The following LIN7A variants were observed in gnomAD, a reference collection of about 807,000 sequenced individuals.
LIN7A encodes the protein protein lin-7 homolog A.
In LIN7A, 25 loss-of-function variants were observed where a neutral mutation model predicts 29.8. The observed-to-expected ratio is 0.84, with a 90% CI of 0.61 to 1.17. LIN7A has a LOEUF of 1.17. LIN7A is among the 50% of genes most tolerant of loss of function. The pLI is 0.00. For synonymous variants in LIN7A, 118 were observed against 107.5 expected (o/e 1.10, Z -0.60); for missense variants, 239 against 287.0 (o/e 0.83, Z 1.21).
At chr12:80,885,579 G>C (rs1027454968) in intron 2 of LIN7A, among the ~76,000 whole-genome samples, 1 of 152,056 alleles carries the variant, frequency 6.6e-6, no homozygotes, top group Admixed American at 6.6e-5. Flanking sequence ...ACCACTATCT[G>C]TATTCTGTGA....
intron 2 of LIN7A, among the ~76,000 whole-genome samples, chr12:80,886,032 T>G (rs1277614701): frequency 6.6e-6 from 1 of 152,122 alleles, no homozygotes; most frequent in Admixed American, 6.5e-5. Context: ...GTTTTTGTTC[T>G]GGTGAGTGCA....
chr12:80,927,028 T>G (rs2120922152), intron 1 of LIN7A, among the ~76,000 whole-genome samples: 1 of 151,904 alleles, frequency 6.6e-6, no homozygotes, highest in East Asian at 1.9e-4. Flanking sequence ...CTAAAAGTTG[T>G]TTTTTAATCA....
chr12:80,888,338 G>C (rs576590920), intron 2 of LIN7A, among the ~76,000 whole-genome samples: 228 of 152,210 alleles, frequency 1.5e-3, no homozygotes, highest in Non-Finnish European at 2.9e-3. Context: ...CCTGCCTAGC[G>C]ACTAAACTAG....
chr12:80,883,578 A>G (rs1360525681), intron 2 of LIN7A, among the ~76,000 whole-genome samples: 1 of 152,154 alleles, frequency 6.6e-6, no homozygotes, highest in African/African-American at 2.4e-5. Context: ...TCAAAACACC[A>G]TACTTAGGGA....
chr12:80,824,296 C>A (rs1486297404), intron 4 of LIN7A, among the ~76,000 whole-genome samples: 1 of 152,024 alleles, frequency 6.6e-6, no homozygotes, highest in Admixed American at 6.5e-5. Context: ...AAATGTACAA[C>A]TTTCCTAGAT....
intron 2 of LIN7A, among the ~76,000 whole-genome samples, chr12:80,853,065 C>T (rs969574537): frequency 2.0e-5 from 3 of 152,110 alleles, no homozygotes; most frequent in Non-Finnish European, 4.4e-5. Flanking sequence ...TAAGTGCATG[C>T]AAAACACCTG....
intron 4 of LIN7A, among the ~76,000 whole-genome samples, chr12:80,825,084 AAT>A (rs1871997250): frequency 6.6e-6 from 1 of 152,194 alleles, no homozygotes. Context: ...ATTTGCTGAT[AAT>A]ATGATTGTAT....
intron 4 of LIN7A, among the ~76,000 whole-genome samples, chr12:80,817,840 G>C (rs544012680): frequency 1.3e-5 from 2 of 151,996 alleles, no homozygotes; most frequent in Non-Finnish European, 2.9e-5. Context: ...TTCAACAACC[G>C]TATGCTAATT....
At chr12:80,895,651 A>C (rs1022244058) in intron 1 of LIN7A, among the ~76,000 whole-genome samples, 5 of 152,240 alleles carry the variant, frequency 3.3e-5, no homozygotes, top group South Asian at 2.1e-4. Context: ...AAGTTGTTTT[A>C]AGTGTAAAGT....
At chr12:80,905,189 GA>G (rs1876410248) in intron 1 of LIN7A, among the ~76,000 whole-genome samples, 2 of 29,930 alleles carry the variant, frequency 6.7e-5, no homozygotes, top group African/African-American at 9.1e-5. Context: ...AATTTCCAAG[GA>G]TTTTTTTTTT....
chr12:80,866,614 C>T (rs966891064), intron 2 of LIN7A, among the ~76,000 whole-genome samples: 1 of 152,192 alleles, frequency 6.6e-6, no homozygotes. Context: ...CCCACCCCAA[C>T]ATTCTGATCA....
At chr12:80,910,354 AT>A (rs1876691500) in intron 1 of LIN7A, among the ~76,000 whole-genome samples, 1 of 152,090 alleles carries the variant, frequency 6.6e-6, no homozygotes, top group Non-Finnish European at 1.5e-5. Flanking sequence ...TTCCATTCAA[AT>A]CTATATTACG....
At chr12:80,902,102 T>C (rs867598510) in intron 1 of LIN7A, among the ~76,000 whole-genome samples, 2 of 152,150 alleles carry the variant, frequency 1.3e-5, no homozygotes, top group Admixed American at 6.5e-5. Context: ...GGACCATTTA[T>C]TGAAGAGAGT....
Position 80,827,531 on chromosome 12 carries a change from T to C in LIN7A, c.484-15848A>G, listed in dbSNP as rs116013642. Among the ~76,000 whole-genome samples the C allele has an allele frequency of 8.6e-3, 1,309 of 152,280 alleles. 16 individuals carry two copies. The highest frequency in any genetic ancestry group is 0.03 in the African/African-American group (1,236 of 41,544). ...TTACCCCATACATATTTTTCAATTT[T>C]CTAGAAATGAAAATGAAAACATCCT... On this transcript the variant is annotated intron_variant, in intron 4 of 5. Coordinates refer to ENST00000552864, the MANE Select transcript of LIN7A (RefSeq NM_004664.4).
intron 2 of LIN7A, among the ~76,000 whole-genome samples, chr12:80,853,099 G>A (rs986415935): frequency 2.0e-5 from 3 of 152,110 alleles, no homozygotes; most frequent in Admixed American, 6.6e-5. Context: ...TTGTTATAAC[G>A]AAGAAAAGCA....
chr12:80,821,600 T>C (rs573275637), intron 4 of LIN7A, among the ~76,000 whole-genome samples: 2 of 152,220 alleles, frequency 1.3e-5, no homozygotes, highest in Non-Finnish European at 2.9e-5. Flanking sequence ...TGATTGCAGC[T>C]GCAGCCAGTC....
chr12:80,867,174 T>C (rs1283001927), intron 2 of LIN7A, among the ~76,000 whole-genome samples: 1 of 152,134 alleles, frequency 6.6e-6, no homozygotes. Context: ...CTTGAGCTCC[T>C]GGCCTCAAGC....
In LIN7A at chr12:80,811,528, T is replaced by TTGC. The variant is rs1871291315; in HGVS notation, c.636_638dup (p.Gln213dup). ...GCTGTTGCTGCTGCTGAATTAGCAA[T>TTGC]TGCTGCTGCTGCCGACGCCTGGCTG... On this transcript the variant is annotated inframe_insertion, in exon 5 of 6. Coordinates refer to ENST00000552864, the MANE Select transcript of LIN7A (RefSeq NM_004664.4). 2.5e-6 allele frequency: 4 copies of TTGC among 1,611,678 alleles called. No homozygotes were observed. The highest frequency in any genetic ancestry group is 3.4e-6 in the Non-Finnish European group (4 of 1,178,696).
intron 4 of LIN7A, among the ~76,000 whole-genome samples, chr12:80,838,737 C>G (rs952209506): frequency 6.6e-6 from 1 of 152,196 alleles, no homozygotes; most frequent in Non-Finnish European, 1.5e-5. Flanking sequence ...AATAGCTTTA[C>G]TTGAGGTCTC....
Sources: gnomAD v4.1 joint callset for allele counts (sites outside exome capture counted in the v4.1 genomes callset) on GRCh38, gnomAD v4.1.1 for gene constraint, MANE v1.5 for transcripts, NCBI Gene and HGNC (gene_info 2026-07-23, HGNC 2026-07-21) for gene names.